ACMSD: variants seen among roughly 807,000 people sequenced by gnomAD.
The protein encoded by ACMSD is 2-amino-3-carboxymuconate-6-semialdehyde decarboxylase.
ACMSD carries 37 observed loss-of-function variants against 45.9 expected under a neutral mutation model. That is an observed-to-expected ratio of 0.81 (90% confidence interval 0.62 to 1.06). The LOEUF (loss-of-function observed/expected upper bound fraction) is 1.06, where lower values mean the gene tolerates loss of function less well. Among genes scored for constraint, ACMSD ranks in the 50% least tolerant of loss-of-function variants. The pLI, the probability that ACMSD is intolerant of heterozygous loss-of-function variation, is 0.00. For synonymous variants in ACMSD, 138 were observed against 148.8 expected, an observed-to-expected ratio of 0.93 and a Z score of 0.53; for missense variants, 434 against 420.9, an observed-to-expected ratio of 1.03 and a Z score of -0.27.
chr2:134,867,721 T>C (rs755943786), intron 6 of ACMSD, 49 bp downstream of exon 6: 13 of 1,486,422 alleles, frequency 8.7e-6, no homozygotes, highest in Non-Finnish European at 1.1e-5. Flanking sequence ...CTTGGGTTTT[T>C]CCAATCATCT....
chr2:134,868,435 T>C (rs1688235953), intron 6 of ACMSD, among the ~76,000 whole-genome samples: 1 of 149,202 alleles, frequency 6.7e-6, no homozygotes, highest in Non-Finnish European at 1.5e-5. Context: ...AAATGAAAAG[T>C]GCTGGATATT....
intron 8 of ACMSD, among the ~76,000 whole-genome samples, chr2:134,890,118 G>C (rs1019315304): frequency 1.3e-5 from 2 of 151,986 alleles, no homozygotes; most frequent in African/African-American, 4.8e-5. Flanking sequence ...CCCACAAATT[G>C]CTTATTAATC....
chr2:134,859,849 C>T (rs1687764659), intron 3 of ACMSD, among the ~76,000 whole-genome samples: 1 of 151,734 alleles, frequency 6.6e-6, no homozygotes, highest in African/African-American at 2.4e-5. Flanking sequence ...TCTCAGAATA[C>T]ACTACAATAA....
intron 8 of ACMSD, among the ~76,000 whole-genome samples, chr2:134,893,076 A>C (rs942777106): frequency 2.6e-5 from 4 of 152,274 alleles, no homozygotes; most frequent in East Asian, 1.9e-4. Flanking sequence ...TTTTTTCTTT[A>C]TCACTCACTG....
intron 3 of ACMSD, among the ~76,000 whole-genome samples, chr2:134,861,477 TACA>T (rs1244854302): frequency 6.6e-6 from 1 of 152,178 alleles, no homozygotes; most frequent in Non-Finnish European, 1.5e-5. Context: ...ATTTAATCCC[TACA>T]ACAACCCTAG....
At chr2:134,896,770 C>T (rs932507271) in intron 8 of ACMSD, among the ~76,000 whole-genome samples, 3 of 152,142 alleles carry the variant, frequency 2.0e-5, no homozygotes, top group Non-Finnish European at 2.9e-5. Flanking sequence ...TCACCATATG[C>T]GCCAGCACTT....
rs144446466 is a variant in ACMSD at position 134,839,407 on chromosome 2, A to T, written c.57+668A>T. ...AGATGGAAATTTCCTTTTGTCATTA[A>T]GAACTTTTGAATGAATATAAAAAGA... On this transcript the variant is annotated intron_variant, in intron 1 of 9. Transcript: ENST00000356140. 2.5e-3 allele frequency among the ~76,000 whole-genome samples: 381 copies of T among 152,330 alleles called. 1 individual carries two copies. The highest frequency in any genetic ancestry group is 7.9e-3 in the African/African-American group (328 of 41,582).
intron 8 of ACMSD, among the ~76,000 whole-genome samples, chr2:134,877,903 G>T (rs990258233): frequency 6.6e-6 from 1 of 152,146 alleles, no homozygotes; most frequent in Admixed American, 6.5e-5. Flanking sequence ...CAAAGGATTT[G>T]AAGGCATATT....
chr2:134,893,502 T>C (rs1430854550), intron 8 of ACMSD, among the ~76,000 whole-genome samples: 1 of 152,118 alleles, frequency 6.6e-6, no homozygotes, highest in Non-Finnish European at 1.5e-5. Flanking sequence ...TTTTTTTAGA[T>C]AGTACTTCTT....
chr2:134,874,922 G>A (rs1688654432), intron 8 of ACMSD, among the ~76,000 whole-genome samples: 1 of 152,160 alleles, frequency 6.6e-6, no homozygotes. Flanking sequence ...AGAAACAATA[G>A]TATAAGCTTA....
intron 1 of ACMSD, among the ~76,000 whole-genome samples, chr2:134,842,971 G>A (rs1233071345): frequency 1.3e-5 from 2 of 152,174 alleles, no homozygotes; most frequent in African/African-American, 2.4e-5. Flanking sequence ...AAGTAACAAA[G>A]AAAGAGAGTG....
At chr2:134,846,707 C>T (rs1209497125) in intron 2 of ACMSD, among the ~76,000 whole-genome samples, 2 of 152,188 alleles carry the variant, frequency 1.3e-5, no homozygotes, top group Non-Finnish European at 2.9e-5. Context: ...GGCTCTCACA[C>T]ATTCATTCAC....
At chr2:134,860,330 C>CT (rs1687789088) in intron 3 of ACMSD, among the ~76,000 whole-genome samples, 1 of 152,168 alleles carries the variant, frequency 6.6e-6, no homozygotes, top group Admixed American at 6.5e-5. Context: ...TATGCTTCAC[C>CT]TGTGACTGCC....
chr2:134,862,845 G>T, intron 4 of ACMSD: 1 of 402,556 alleles, frequency 2.5e-6, no homozygotes, highest in Non-Finnish European at 3.4e-6. Context: ...GTGAAGAAGG[G>T]AGCATTAGGA....
In ACMSD at chr2:134,838,862, T is replaced by C; in HGVS notation, c.57+123T>C. On this transcript the variant is annotated intron_variant, in intron 1 of 9. Coordinates refer to ENST00000356140, the MANE Select transcript of ACMSD (RefSeq NM_138326.3). The stretch of plus-strand genomic sequence containing the variant: ...TTTGGTGGGGGGCGAGGGGGTTAAA[T>C]CATTTGGTAGTTCTGATTTTCTAGC... 2 of 609,562 alleles carry C rather than the reference T, an allele frequency of 3.3e-6. 1 individual carries two copies. Among genetic ancestry groups the C allele is most frequent in the Non-Finnish European group, 5.6e-6 (2 of 357,972 alleles). The allele number at this position is 609,562 out of a possible 1,614,324, so 37.8% of individuals were successfully genotyped here.
At chr2:134,879,726 C>T (rs1348411486) in intron 8 of ACMSD, among the ~76,000 whole-genome samples, 1 of 152,176 alleles carries the variant, frequency 6.6e-6, no homozygotes, top group Non-Finnish European at 1.5e-5. Context: ...TAACCCTAAA[C>T]TCTCCACCAG....
intron 8 of ACMSD, 44 bp downstream of exon 8, chr2:134,872,685 G>A: frequency 2.5e-6 from 4 of 1,604,666 alleles, no homozygotes; most frequent in Non-Finnish European, 3.4e-6. Context: ...GGAGCAGAAT[G>A]CTGCATCAGC....
chr2:134,868,322 C>T (rs1688224158), intron 6 of ACMSD, among the ~76,000 whole-genome samples: 1 of 152,126 alleles, frequency 6.6e-6, no homozygotes, highest in Non-Finnish European at 1.5e-5. Flanking sequence ...TCCAATCTCT[C>T]ATCATCAGTT....
chr2:134,892,002 T>A (rs1334022346), intron 8 of ACMSD, among the ~76,000 whole-genome samples: 1 of 152,168 alleles, frequency 6.6e-6, no homozygotes, highest in Admixed American at 6.5e-5. Flanking sequence ...CCACATGTTC[T>A]TACTTACAAG....
Sources: allele counts gnomAD v4.1 joint callset (sites outside exome capture counted in the v4.1 genomes callset), GRCh38; gene constraint gnomAD v4.1.1; transcripts MANE v1.5; gene names NCBI Gene and HGNC (gene_info 2026-07-23, HGNC 2026-07-21).